The following TMTC2 variants were observed in gnomAD, a reference collection of about 807,000 sequenced individuals.
The protein encoded by TMTC2 is protein O-mannosyl-transferase TMTC2.
In TMTC2, 43 loss-of-function variants were observed where a neutral mutation model predicts 82.4. That is an observed-to-expected ratio of 0.52 (90% CI 0.41 to 0.67). The LOEUF is 0.67. TMTC2 is among the 30% of genes least tolerant of loss of function. TMTC2 has a pLI of 0.00. For missense variants in TMTC2, 919 were observed against 1,012.4 expected (o/e 0.91, Z 1.25); for synonymous variants, 408 against 381.9 (o/e 1.07, Z -0.80).
rs73159423 is a variant in TMTC2, at chr12:82,895,689, C to T, written c.655-129C>T. The T allele has an allele frequency of 1.1e-3, 827 of 778,980 alleles. 1 individual carries two copies. The highest frequency in any genetic ancestry group is 1.4e-3 in the Non-Finnish European group (755 of 522,344). The allele number at this position is 778,980 out of a possible 1,614,324, so 48.3% of individuals were successfully genotyped here. A position where few individuals can be genotyped will look rare whatever the true frequency, so the allele number is the denominator to read the frequency against. ...GCTTGAAAGGTGATGGACATGAAGT[C>T]ATGTTTTGGAGACATCATGCTGTGT... On this transcript the variant is annotated intron_variant, in intron 2 of 11. Transcript: ENST00000321196.
chr12:82,778,121 T>A (rs1020898297), intron 1 of TMTC2, among the ~76,000 whole-genome samples: 1 of 152,168 alleles, frequency 6.6e-6, no homozygotes, highest in African/African-American at 2.4e-5. Flanking sequence ...CTTTTATTTT[T>A]GCTCAGATTT....
intron 1 of TMTC2, among the ~76,000 whole-genome samples, chr12:82,833,376 C>T (rs1416569028): frequency 1.3e-5 from 2 of 152,126 alleles, no homozygotes; most frequent in Admixed American, 1.3e-4. Context: ...ACTTGTGAGG[C>T]TACAAAGAAG....
intron 2 of TMTC2, among the ~76,000 whole-genome samples, chr12:82,866,072 A>C (rs1348236789): frequency 6.6e-6 from 1 of 152,128 alleles, no homozygotes; most frequent in Non-Finnish European, 1.5e-5. Context: ...AAGATCTAAA[A>C]TTGACACCCT....
At chr12:82,769,241 G>A (rs1877151901) in intron 1 of TMTC2, among the ~76,000 whole-genome samples, 1 of 151,934 alleles carries the variant, frequency 6.6e-6, no homozygotes, top group Admixed American at 6.6e-5. Context: ...GGGAGGCCGA[G>A]GCGGGTGAAA....
chr12:82,745,108 G>T (rs1412931059), intron 1 of TMTC2, among the ~76,000 whole-genome samples: 1 of 151,978 alleles, frequency 6.6e-6, no homozygotes, highest in African/African-American at 2.4e-5. Flanking sequence ...AATAAGGCAC[G>T]AGTTAGCATC....
At chr12:82,838,531 C>A (rs566823088) in intron 1 of TMTC2, among the ~76,000 whole-genome samples, 10 of 152,238 alleles carry the variant, frequency 6.6e-5, no homozygotes, top group South Asian at 4.1e-4. Context: ...TGATGATAAC[C>A]CCTGGATCAG....
chr12:82,863,295 CACTTG>C (rs1300976435), intron 2 of TMTC2, among the ~76,000 whole-genome samples: 3 of 152,140 alleles, frequency 2.0e-5, no homozygotes, highest in Non-Finnish European at 4.4e-5. Context: ...ATTTGCCTTA[CACTTG>C]ACTTTGCGAG....
intron 4 of TMTC2, among the ~76,000 whole-genome samples, chr12:82,959,820 C>T (rs1177684203): frequency 6.6e-6 from 1 of 151,972 alleles, no homozygotes; most frequent in Non-Finnish European, 1.5e-5. Context: ...CAAAAATTAA[C>T]AAGCAGCACC....
intron 1 of TMTC2, among the ~76,000 whole-genome samples, chr12:82,757,470 C>T (rs546727400): frequency 1.3e-4 from 19 of 151,982 alleles, no homozygotes; most frequent in Non-Finnish European, 2.6e-4. Flanking sequence ...ATTTATGTTC[C>T]TCTTGGTGAG....
chr12:82,955,569 T>C (rs972854668), intron 4 of TMTC2, among the ~76,000 whole-genome samples: 5 of 152,160 alleles, frequency 3.3e-5, no homozygotes, highest in African/African-American at 7.2e-5. Context: ...TACTAGAACA[T>C]GTGATGATGA....
chr12:82,908,487 T>C (rs1565804653), intron 3 of TMTC2, among the ~76,000 whole-genome samples: 1 of 152,142 alleles, frequency 6.6e-6, no homozygotes, highest in Non-Finnish European at 1.5e-5. Flanking sequence ...ATTATATTAA[T>C]AGATTTTCTA....
rs1881709126 is a variant in TMTC2 at position 83,037,508 on chromosome 12, T to C, written c.2152+6629T>C. ...TTAATACTTAAGACCAAACCATGTT[T>C]TTTAAAAAAATCAATGTTTAGTGTC... On this transcript the variant is annotated intron_variant, in intron 9 of 11. Transcript: ENST00000321196. Among the ~76,000 whole-genome samples the C allele has an allele frequency of 3.3e-5, 5 of 152,188 alleles. No individual in the cohort carries two copies. The South Asian group carries it at 1.0e-3, about 31-fold the overall frequency.
chr12:83,010,035 C>T (rs572131460), intron 8 of TMTC2, among the ~76,000 whole-genome samples: 1 of 152,176 alleles, frequency 6.6e-6, no homozygotes, highest in East Asian at 1.9e-4. Flanking sequence ...GATGAAGTTT[C>T]GCTCATTCAC....
At chr12:83,075,529 T>C (rs924777279) in intron 11 of TMTC2, among the ~76,000 whole-genome samples, 9 of 152,228 alleles carry the variant, frequency 5.9e-5, no homozygotes, top group Admixed American at 3.3e-4. Flanking sequence ...TCTGTTTTTA[T>C]TAATTGCAAC....
intron 4 of TMTC2, among the ~76,000 whole-genome samples, chr12:82,933,738 A>C (rs1396926427): frequency 6.6e-6 from 1 of 152,186 alleles, no homozygotes; most frequent in Non-Finnish European, 1.5e-5. Context: ...AGCTTCTGTT[A>C]GGCCCTCAAC....
At chr12:82,997,175 T>TCCCC (rs1555204028) in intron 8 of TMTC2, among the ~76,000 whole-genome samples, 11 of 114,550 alleles carry the variant, frequency 9.6e-5, no homozygotes, top group Non-Finnish European at 1.5e-4. Flanking sequence ...TCTCTCTCTC[T>TCCCC]CCCACCCCTC....
intron 2 of TMTC2, among the ~76,000 whole-genome samples, chr12:82,892,386 T>C (rs933652665): frequency 1.3e-5 from 2 of 152,176 alleles, no homozygotes; most frequent in African/African-American, 4.8e-5. Context: ...GTATTTAAAT[T>C]TTCTTTTTAG....
rs539089513 is a variant in TMTC2 at position 82,819,810 on chromosome 12, A to G, written c.84-37200A>G. On this transcript the variant is annotated intron_variant, in intron 1 of 11. Coordinates refer to ENST00000321196, the MANE Select transcript of TMTC2 (RefSeq NM_152588.3). Reference sequence around the variant, plus strand: ...TGTGAACCACCGTGCCCAGCCCCTCATAGTACTTTGTAAGTGTATTAGGGT... The same window carrying G: ...TGTGAACCACCGTGCCCAGCCCCTCGTAGTACTTTGTAAGTGTATTAGGGT... Among the ~76,000 whole-genome samples the G allele has an allele frequency of 2.6e-5, 4 of 152,210 alleles. No homozygotes were observed. In the South Asian group the frequency reaches 8.3e-4, roughly 32 times the overall value.
At chr12:82,766,440 C>T (rs913011369) in intron 1 of TMTC2, among the ~76,000 whole-genome samples, 1 of 152,152 alleles carries the variant, frequency 6.6e-6, no homozygotes, top group Non-Finnish European at 1.5e-5. Flanking sequence ...CTTCCCAAAG[C>T]CTGGAAGAGT....
Sources: allele counts gnomAD v4.1 joint callset (sites outside exome capture counted in the v4.1 genomes callset), GRCh38; gene constraint gnomAD v4.1.1; transcripts MANE v1.5; gene names NCBI Gene and HGNC (gene_info 2026-07-23, HGNC 2026-07-21).